The following CD163 variants were observed in gnomAD, a reference collection of about 807,000 sequenced individuals.
The protein encoded by CD163 is CD163 molecule.
In CD163, 64 loss-of-function variants were observed where a neutral mutation model predicts 129.2. The ratio of observed to expected loss-of-function variants is 0.50; its 90% CI spans 0.41 to 0.61. CD163 has a LOEUF of 0.61. Among genes scored for constraint, CD163 ranks in the 20% least tolerant of loss-of-function variants. The pLI is 0.00. For missense variants in CD163, 1,061 were observed against 1,377.9 expected, an observed-to-expected ratio of 0.77 and a Z score of 3.64; for synonymous variants, 446 against 478.5, an observed-to-expected ratio of 0.93 and a Z score of 0.89.
Position 7,481,219 on chromosome 12 carries a change from T to C in CD163, c.3285A>G (p.Gln1095=). Residue 1095 remains glutamine, a synonymous_variant, in exon 15 of 17, where the codon CAA becomes CAG. Transcript: ENST00000432237. ...TCAGGCAAGAATTCATCTCCCGGTA[T>C]TGAATTTGGTGGACTAAGTTCTCTC... ...SRGENLVHQI[Q]YREMNSCLNA... The C allele has an allele frequency of 6.2e-7, 1 of 1,613,896 alleles. No homozygotes were observed. Among genetic ancestry groups the C allele is most frequent in the Non-Finnish European group, 8.5e-7 (1 of 1,179,830 alleles).
rs138410407 is a variant in CD163, at chr12:7,501,939, C to T, written c.134-477G>A. Reference sequence around the variant, plus strand: ...TGTAAAATAGCATAAATCTTAAAAACGCTAGACTGAAACTTATCTAAAATT... The same window carrying T: ...TGTAAAATAGCATAAATCTTAAAAATGCTAGACTGAAACTTATCTAAAATT... On this transcript the variant is annotated intron_variant, in intron 2 of 16. Coordinates refer to ENST00000432237, the MANE Select transcript of CD163 (RefSeq NM_203416.4). 7.2e-5 allele frequency among the ~76,000 whole-genome samples: 11 copies of T among 152,246 alleles called. No individual in the cohort carries two copies. The East Asian group carries it at 7.7e-4, about 11-fold the overall frequency.
At chr12:7,494,173 A>G (rs1164693907) in intron 6 of CD163, among the ~76,000 whole-genome samples, 1 of 152,228 alleles carries the variant, frequency 6.6e-6, no homozygotes, top group East Asian at 1.9e-4. Flanking sequence ...TGAGGAAAAG[A>G]ATTGGATAGT....
rs1275287608 is a variant in CD163, at chr12:7,499,103, TC to T, written c.542del (p.Gly181GlufsTer10). Reference protein sequence around the residue: ...RIEIKFQGRWGTVCDDNFNID... With the variant: ...RIEIKFQGRWXTVCDDNFNID... ...TGTTGAAGTTATCATCACACACTGT[TC>T]CCCACCGTCCTTGGAATTTGATCTC... On this transcript the variant is annotated frameshift_variant, in exon 4 of 17. Coordinates refer to ENST00000432237, the MANE Select transcript of CD163 (RefSeq NM_203416.4). LOFTEE classifies it high-confidence loss of function. The T allele has an allele frequency of 2.5e-6, 4 of 1,613,978 alleles. No homozygotes were observed. The highest frequency in any genetic ancestry group is 3.4e-6 in the Non-Finnish European group (4 of 1,180,002).
At position 7,485,450 on chromosome 12, in the gene CD163, CT is replaced by C. The variant is rs1408938457; in HGVS notation, c.2459-35del. ...AAACATAGAATTAGTAGTTTTGCAT[CT>C]TTTCTGAAGATTCAGAGACTCCTTC... On this transcript the variant is annotated intron_variant, in intron 10 of 16. Coordinates refer to ENST00000432237, the MANE Select transcript of CD163 (RefSeq NM_203416.4). This position sits in a 1 kb window ranked among gnomAD's most constrained non-coding sequence, Gnocchi z 4.5. The C allele has an allele frequency of 1.3e-6, 2 of 1,564,980 alleles. No homozygotes were observed. The highest frequency in any genetic ancestry group is 1.7e-6 in the Non-Finnish European group (2 of 1,143,010).
chr12:7,491,321 G>A (rs1008645046), intron 6 of CD163, among the ~76,000 whole-genome samples: 1 of 151,980 alleles, frequency 6.6e-6, no homozygotes, highest in Non-Finnish European at 1.5e-5. Flanking sequence ...CCTTTATTTC[G>A]TGAATCTGCT....
chr12:7,487,807 A>G lies in CD163; in HGVS notation c.1701T>C (p.Cys567=), dbSNP rs1949275286. Residue 567 remains cysteine (C), a synonymous_variant, in exon 7 of 17, where the codon TGT becomes TGC. Coordinates refer to ENST00000432237, the MANE Select transcript of CD163 (RefSeq NM_203416.4). The surrounding 1 kb of genome is among the most constrained non-coding windows in gnomAD (Gnocchi z 5.1). ...CPVAPRPEGT[C]SHSRDVGVVC... ...CTACTCCAACATCCCTGCTGTGGCT[A>G]CAAGTTCCTTCTGGGCGGGGTGCTA... 6.2e-7 allele frequency: 1 copy of G among 1,614,014 alleles called. No homozygotes were observed. Among genetic ancestry groups the G allele is most frequent in the South Asian group, 1.1e-5 (1 of 91,092 alleles).
rs749500028 is a variant in CD163 at position 7,495,074 on chromosome 12, G to T, written c.1420+7C>A. 2 of 1,609,258 alleles carry T rather than the reference G, an allele frequency of 1.2e-6. No homozygotes were observed. The highest frequency in any genetic ancestry group is 1.1e-5 in the South Asian group (1 of 90,988). On this transcript the variant is annotated splice_region_variant and intron_variant, in intron 6 of 16. Coordinates refer to ENST00000432237, the MANE Select transcript of CD163 (RefSeq NM_203416.4). ...CTTCTTCTTAACAAGTTGATTGAAAGTCATACCTGAGCAGGTAATTTTGGC... is the reference window on the plus strand; with the variant it reads ...CTTCTTCTTAACAAGTTGATTGAAATTCATACCTGAGCAGGTAATTTTGGC...
At position 7,485,537 on chromosome 12, in the gene CD163, C is replaced by T. The variant is rs771694970; in HGVS notation, c.2459-121G>A. 2 of 562,122 alleles carry T rather than the reference C, an allele frequency of 3.6e-6. No individual in the cohort carries two copies. Among genetic ancestry groups the T allele is most frequent in the Admixed American group, 7.2e-5 (2 of 27,864 alleles). The allele number at this position is 562,122 out of a possible 1,614,324, so 34.8% of individuals were successfully genotyped here. ...GTACAATAGTACAATATGTCAGTTA[C>T]TAATAATTCGTTAGTAACTTCTGGA... On this transcript the variant is annotated intron_variant, in intron 10 of 16. Transcript: ENST00000432237. The surrounding 1 kb of genome is among the most constrained non-coding windows in gnomAD (Gnocchi z 4.5).
rs753083614 is a variant in CD163 at position 7,496,566 on chromosome 12, GA to G, written c.1099+246del. On this transcript the variant is annotated intron_variant, in intron 5 of 16. Transcript: ENST00000432237. The surrounding 1 kb of genome is among the most constrained non-coding windows in gnomAD (Gnocchi z 4.8). Reference sequence around the variant, plus strand: ...TCTCTCTGAGCTCCAGGTAGATTCTGAGTTTGAAGTGTGCTCCATAAAAGCA... The same window carrying G: ...TCTCTCTGAGCTCCAGGTAGATTCTGGTTTGAAGTGTGCTCCATAAAAGCA... 6.6e-6 allele frequency among the ~76,000 whole-genome samples: 1 copy of G among 152,124 alleles called. No homozygotes were observed. Among genetic ancestry groups the G allele is most frequent in the Non-Finnish European group, 1.5e-5 (1 of 68,004 alleles).
chr12:7,481,485 T>C (rs1226911110), intron 14 of CD163, among the ~76,000 whole-genome samples: 1 of 152,160 alleles, frequency 6.6e-6, no homozygotes, highest in African/African-American at 2.4e-5. Flanking sequence ...AACCCACTGT[T>C]TTTACCCAAG....
At chr12:7,493,311 C>A (rs935062092) in intron 6 of CD163, among the ~76,000 whole-genome samples, 1 of 152,124 alleles carries the variant, frequency 6.6e-6, no homozygotes, top group African/African-American at 2.4e-5. Flanking sequence ...TGAAGGACAG[C>A]GGACAGAAGA....
chr12:7,486,580 A>G lies in CD163; in HGVS notation c.2377T>C (p.Ser793Pro), dbSNP rs1200996210. 2 of 1,614,196 alleles carry G rather than the reference A, an allele frequency of 1.2e-6. No homozygotes were observed. The highest frequency in any genetic ancestry group is 1.7e-6 in the Non-Finnish European group (2 of 1,180,024). ...TGTGAATGGCACTGCCAAATGCGGG[A>G]TTCTTTTCCATTGCATTTCATCTCA... ...LDEMKCNGKE[S>P]RIWQCHSHGW... The change falls in exon 10 of 17, where the codon TCC (serine) becomes CCC (proline). Residue 793 changes from serine to proline, a missense_variant. By Grantham distance (74) the Ser-to-Pro change is moderately conservative. Coordinates refer to ENST00000432237, the MANE Select transcript of CD163 (RefSeq NM_203416.4).
rs755454282 is a variant in CD163, at chr12:7,483,391, C to T, written c.3064G>A (p.Glu1022Lys). ...CCTGTGCAATTCACTGCAGCGTCTT[C>T]CTTGTGCCCACACTCACTATGGCCC... ...RWGHSECGHKEDAAVNCTDIS... is the reference protein window; with the variant it reads ...RWGHSECGHKKDAAVNCTDIS... Residue 1022 changes from glutamate to lysine, a missense_variant, in exon 12 of 17, where the codon GAA becomes AAA. Coordinates refer to ENST00000432237, the MANE Select transcript of CD163 (RefSeq NM_203416.4). 3.1e-6 allele frequency: 5 copies of T among 1,613,858 alleles called. No individual in the cohort carries two copies. In the Admixed American group the frequency reaches 6.7e-5, roughly 22 times the overall value.
chr12:7,483,811 T>TTATATATATA (rs199530825), intron 11 of CD163, 136 bp from the exon 12 acceptor site: 1 of 128,900 alleles, frequency 7.8e-6, no homozygotes, highest in East Asian at 1.6e-4. Flanking sequence ...ATATTAAAAT[T>TTATATATATA]TATATATATA....
rs758445429 is a variant in CD163 at position 7,495,345 on chromosome 12, C to T, written c.1156G>A (p.Val386Ile). ...RGGGSRCAGT[V>I]EVEIQRLLGK... ...AACAGTCTCTGAATCTCCACCTCAA[C>T]TGTCCCAGCACAGCGGCTGCCTCCA... Residue 386 changes from valine (V) to isoleucine (I), a missense_variant, in exon 6 of 17, where the codon GTT becomes ATT. Physicochemically the swap from Val to Ile is conservative, Grantham distance 29 (BLOSUM62 3). Coordinates refer to ENST00000432237, the MANE Select transcript of CD163 (RefSeq NM_203416.4). 23 of 1,614,052 alleles carry T rather than the reference C, an allele frequency of 1.4e-5. No individual in the cohort carries two copies. The Admixed American group carries it at 3.0e-4, about 21-fold the overall frequency.
chr12:7,492,145 G>T (rs1468723969), intron 6 of CD163, among the ~76,000 whole-genome samples: 2 of 151,932 alleles, frequency 1.3e-5, no homozygotes, highest in Non-Finnish European at 2.9e-5. Flanking sequence ...CATGTAAAAA[G>T]CTAAAAACCA....
At chr12:7,488,121 T>G in intron 6 of CD163, 34 bp from the exon 7 acceptor site, 1 of 1,536,338 alleles carries the variant, frequency 6.5e-7, no homozygotes, top group Non-Finnish European at 8.8e-7. Context: ...TGAGAGGTAA[T>G]ATGATTTCCA....
intron 6 of CD163, among the ~76,000 whole-genome samples, chr12:7,492,231 A>G (rs964435338): frequency 6.6e-6 from 1 of 152,196 alleles, no homozygotes; most frequent in Non-Finnish European, 1.5e-5. Context: ...GGAAACAAAA[A>G]GTGCACATGG....
At chr12:7,501,977 T>C (rs1017870629) in intron 2 of CD163, among the ~76,000 whole-genome samples, 3 of 152,286 alleles carry the variant, frequency 2.0e-5, no homozygotes, top group Admixed American at 6.5e-5. Context: ...GATGGAGATA[T>C]TTTCTGCTAT....
Sources: allele counts gnomAD v4.1 joint callset (sites outside exome capture counted in the v4.1 genomes callset), GRCh38; gene constraint gnomAD v4.1.1; non-coding constraint Gnocchi (gnomAD v3.1); transcripts MANE v1.5; gene names NCBI Gene and HGNC (gene_info 2026-07-23, HGNC 2026-07-21).